The following HERC2 variants were observed in gnomAD, a reference collection of about 807,000 sequenced individuals.
HERC2 encodes E3 ubiquitin-protein ligase HERC2.
In HERC2, 102 loss-of-function variants were observed where a neutral mutation model predicts 537.7. The ratio of observed to expected loss-of-function variants is 0.19; its 90% CI spans 0.16 to 0.22. The LOEUF (loss-of-function observed/expected upper bound fraction) is 0.22. Ranked by LOEUF, HERC2 falls within the 10% of genes least tolerant of loss-of-function variation. The pLI is 1.00. For missense variants in HERC2, 4,236 were observed against 6,198.2 expected, an observed-to-expected ratio of 0.68 and a Z score of 10.63; for synonymous variants, 2,224 against 2,466.2, an observed-to-expected ratio of 0.90 and a Z score of 2.91.
chr15:28,189,564 A>G (rs918235107), intron 55 of HERC2, among the ~76,000 whole-genome samples: 7 of 152,240 alleles, frequency 4.6e-5, no homozygotes, highest in African/African-American at 1.7e-4. Flanking sequence ...GGTATTGGCT[A>G]TAATGAATCA....
At position 28,229,524 on chromosome 15, in the gene HERC2, G is replaced by C; in HGVS notation, c.5056C>G (p.Pro1686Ala). Residue 1686 changes from proline to alanine, a missense_variant, in exon 33 of 93, where the codon CCA (proline) becomes GCA (alanine). Pro to Ala is a conservative substitution (Grantham distance 27). This residue lies in a region of HERC2 where 343 missense variants were observed against 417.2 expected (regional missense o/e 0.82). Transcript: ENST00000261609. ...LKLASKNFLL[P>A]SVQYAMFCGW... ...CAAAACATCGCATACTGCACAGATG[G>C]AAGTAAGAAATTCTTGCTCGCCAGT... The C allele has an allele frequency of 6.2e-7, 1 of 1,613,826 alleles. No individual in the cohort carries two copies. Among genetic ancestry groups the C allele is most frequent in the Non-Finnish European group, 8.5e-7 (1 of 1,179,774 alleles).
chr15:28,268,439 C>T lies in HERC2; in HGVS notation c.1598+26G>A. 1 of 1,602,136 alleles carries T rather than the reference C, an allele frequency of 6.2e-7. No homozygotes were observed. The highest frequency in any genetic ancestry group is 8.5e-7 in the Non-Finnish European group (1 of 1,171,980). On this transcript the variant is annotated intron_variant, in intron 12 of 92. Transcript: ENST00000261609. The surrounding 1 kb of genome is among the most constrained non-coding windows in gnomAD (Gnocchi z 4.7). The stretch of plus-strand genomic sequence containing the variant: ...ATGGCAACATAAAAGGAGAGTGTGT[C>T]CCCTACAGGAATAAGCGATACATAC...
In HERC2 at chr15:28,112,033, C is replaced by T; in HGVS notation, c.14235G>A (p.Val4745=). 2 of 1,613,450 alleles carry T rather than the reference C, an allele frequency of 1.2e-6. No homozygotes were observed. The highest frequency in any genetic ancestry group is 1.7e-6 in the Non-Finnish European group (2 of 1,179,484). The change falls in exon 93 of 93, where the codon GTG becomes GTA. Residue 4745 remains valine (V), a splice_region_variant and synonymous_variant. Coordinates refer to ENST00000261609, the MANE Select transcript of HERC2 (RefSeq NM_004667.6). ...DFRGRDFVIQ[V]LDKYNPPDHF... ...GGTCTGGAGGGTTGTATTTATCCAA[C>T]ACCTGTTGAGCAGAAACATGAAGTG...
At chr15:28,276,343 C>G (rs916070269) in intron 5 of HERC2, among the ~76,000 whole-genome samples, 4 of 151,970 alleles carry the variant, frequency 2.6e-5, no homozygotes, top group African/African-American at 9.7e-5. Flanking sequence ...ACCGGGAGCT[C>G]AGAGAGGAAA....
rs780216753 is a variant in HERC2, at chr15:28,176,633, C to A, written c.9515-34G>T. ...AAGAAACACATATACTTCAGGCCAG[C>A]GTTTCATATCATTCCTACCCACCCA... On this transcript the variant is annotated intron_variant, in intron 62 of 92. Coordinates refer to ENST00000261609, the MANE Select transcript of HERC2 (RefSeq NM_004667.6). The surrounding 1 kb of genome is among the most constrained non-coding windows in gnomAD (Gnocchi z 5.0). The A allele has an allele frequency of 6.2e-7, 1 of 1,613,714 alleles. No individual in the cohort carries two copies. Among genetic ancestry groups the A allele is most frequent in the African/African-American group, 1.3e-5 (1 of 74,898 alleles).
At chr15:28,193,988 A>C (rs1897093775) in intron 52 of HERC2, among the ~76,000 whole-genome samples, 2 of 152,162 alleles carry the variant, frequency 1.3e-5, no homozygotes, top group African/African-American at 4.8e-5. Context: ...GAGAAATTAC[A>C]AAGTATGCAG....
chr15:28,260,664 C>T, intron 16 of HERC2, 113 bp downstream of exon 16: 2 of 827,356 alleles, frequency 2.4e-6, no homozygotes, highest in Non-Finnish European at 3.9e-6. Flanking sequence ...TTTAGCACAA[C>T]TGCAGGACAC....
chr15:28,264,377 T>G (rs2075502445), intron 14 of HERC2, among the ~76,000 whole-genome samples: 1 of 152,170 alleles, frequency 6.6e-6, no homozygotes. Flanking sequence ...TATTACATGG[T>G]CAATGAAAGC....
chr15:28,135,218 G>A (rs1011559214), intron 79 of HERC2, among the ~76,000 whole-genome samples: 1 of 151,912 alleles, frequency 6.6e-6, no homozygotes, highest in African/African-American at 2.4e-5. Context: ...TAAGGGAGAA[G>A]GACAAAAAAA....
chr15:28,213,748 C>T lies in HERC2; in HGVS notation c.6780G>A (p.Leu2260=). The change falls in exon 42 of 93, where the codon CTG becomes CTA. Residue 2260 remains leucine, a synonymous_variant. Coordinates refer to ENST00000261609, the MANE Select transcript of HERC2 (RefSeq NM_004667.6). ...RTCRVCPLNQ[L]KPLPAVAFNV... ...TAAGCACAAGTTCACCTACTGGTTT[C>T]AGCTGATTCAATGGGCAAACGCGAC... 5.6e-6 allele frequency: 9 copies of T among 1,613,050 alleles called. No homozygotes were observed. Among genetic ancestry groups the T allele is most frequent in the Non-Finnish European group, 7.6e-6 (9 of 1,179,042 alleles).
intron 20 of HERC2, among the ~76,000 whole-genome samples, chr15:28,253,790 C>T (rs1283027612): frequency 2.0e-5 from 3 of 151,344 alleles, no homozygotes; most frequent in Admixed American, 1.3e-4. Context: ...TTTGAAACCC[C>T]GTCTCTACTA....
At chr15:28,142,671 A>C (rs1891342936) in intron 75 of HERC2, among the ~76,000 whole-genome samples, 156 bp downstream of exon 75, 1 of 152,236 alleles carries the variant, frequency 6.6e-6, no homozygotes, top group Admixed American at 6.5e-5. Context: ...GGTTTAGATT[A>C]CACGATCATT....
At chr15:28,263,213 T>A (rs1301591997) in intron 14 of HERC2, 44 bp from the exon 15 acceptor site, 1 of 1,580,244 alleles carries the variant, frequency 6.3e-7, no homozygotes, top group Admixed American at 1.8e-5. Flanking sequence ...CTCTGCATTT[T>A]AACGAAAAAT....
intron 8 of HERC2, 52 bp downstream of exon 8, chr15:28,272,842 T>C (rs1383487275): frequency 8.3e-7 from 1 of 1,210,692 alleles, no homozygotes; most frequent in African/African-American, 1.5e-5. Context: ...GCAACAGGTA[T>C]TTCCATACAC....
At chr15:28,299,578 A>C (rs1479044241) in intron 2 of HERC2, 62 bp from the exon 3 acceptor site, 2 of 843,332 alleles carry the variant, frequency 2.4e-6, no homozygotes, top group East Asian at 4.9e-5. Context: ...ATTTTTAAAG[A>C]ATGATATGGG....
At chr15:28,278,744 C>T (rs539744463) in intron 5 of HERC2, among the ~76,000 whole-genome samples, 1 of 152,298 alleles carries the variant, frequency 6.6e-6, no homozygotes, top group Non-Finnish European at 1.5e-5. Context: ...GCCTCCCGTA[C>T]CTTCTATGTG....
chr15:28,249,012 C>A (rs766364826), intron 20 of HERC2, among the ~76,000 whole-genome samples: 1 of 152,198 alleles, frequency 6.6e-6, no homozygotes, highest in Non-Finnish European at 1.5e-5. Flanking sequence ...GTCCAAACTG[C>A]AGAAGATCTT....
In HERC2 at chr15:28,229,816, G is replaced by A. The variant is rs750356828; in HGVS notation, c.4841C>T (p.Thr1614Ile). 2 of 1,402,106 alleles carry A rather than the reference G, an allele frequency of 1.4e-6. No homozygotes were observed. Among genetic ancestry groups the A allele is most frequent in the South Asian group, 1.2e-5 (1 of 86,658 alleles). 86.9% of individuals were successfully genotyped at this position (1,402,106 alleles called of 1,614,324 possible). Reference protein sequence around the residue: ...DKWQPLLSTVTGVHKYKWLKQ... With the variant: ...DKWQPLLSTVIGVHKYKWLKQ... ...CAACCACTTGTATTTGTGAACACCT[G>A]TAACAGTACTCAACAGCGGCTGCCA... The change falls in exon 32 of 93, where the codon ACA (threonine) becomes ATA (isoleucine). Residue 1614 changes from threonine to isoleucine, a missense_variant. Coordinates refer to ENST00000261609, the MANE Select transcript of HERC2 (RefSeq NM_004667.6).
intron 4 of HERC2, among the ~76,000 whole-genome samples, chr15:28,287,888 T>C (rs571326009): frequency 6.6e-6 from 1 of 152,154 alleles, no homozygotes; most frequent in Admixed American, 6.5e-5. Context: ...CACGCCCAGC[T>C]AATTTTTTTG....
Sources: allele counts gnomAD v4.1 joint callset (sites outside exome capture counted in the v4.1 genomes callset), GRCh38; gene constraint gnomAD v4.1.1; regional missense constraint gnomAD v4.1.1; non-coding constraint Gnocchi (gnomAD v3.1); transcripts MANE v1.5; gene names NCBI Gene and HGNC (gene_info 2026-07-23, HGNC 2026-07-21).